The following MAPK10 variants were observed in gnomAD, a reference collection of about 807,000 sequenced individuals.
MAPK10 encodes the protein mitogen-activated protein kinase 10.
Under a neutral mutation model 59.3 loss-of-function variants are expected in MAPK10, and 25 were observed. The ratio of observed to expected loss-of-function variants is 0.42; its 90% CI spans 0.31 to 0.59. The LOEUF (loss-of-function observed/expected upper bound fraction) is 0.59. Ranked by LOEUF, MAPK10 falls within the 20% of genes least tolerant of loss-of-function variation. The probability of loss-of-function intolerance (pLI) is 0.15; values close to 1 mark genes in which losing one functional copy is unlikely to be tolerated. For synonymous variants in MAPK10, 190 were observed against 200.5 expected, an observed-to-expected ratio of 0.95 and a Z score of 0.44; for missense variants, 351 against 568.9, an observed-to-expected ratio of 0.62 and a Z score of 3.90.
intron 2 of MAPK10, among the ~76,000 whole-genome samples, chr4:86,207,867 A>G (rs1175155247): frequency 6.6e-6 from 1 of 151,338 alleles, no homozygotes; most frequent in African/African-American, 2.5e-5. Context: ...TTCGTGTATA[A>G]GAATGCTTGT....
At chr4:86,458,910 A>G (rs1291231012) in intron 1 of MAPK10, among the ~76,000 whole-genome samples, 1 of 152,236 alleles carries the variant, frequency 6.6e-6, no homozygotes, top group African/African-American at 2.4e-5. Context: ...ACAAAGATAA[A>G]TAGCTGGGAC....
chr4:86,071,801 A>C (rs1356281632), intron 9 of MAPK10, among the ~76,000 whole-genome samples: 1 of 150,002 alleles, frequency 6.7e-6, no homozygotes, highest in African/African-American at 2.5e-5. Context: ...GTAGCCTTGT[A>C]GTATAGTTTG....
chr4:86,022,187 A>G (rs535855380), intron 13 of MAPK10, among the ~76,000 whole-genome samples: 41 of 152,332 alleles, frequency 2.7e-4, no homozygotes, highest in African/African-American at 9.6e-4. Context: ...TGTTTTCTAA[A>G]GTGGGTGCAC....
At chr4:86,381,771 C>T (rs1265537032) in intron 1 of MAPK10, among the ~76,000 whole-genome samples, 4 of 152,128 alleles carry the variant, frequency 2.6e-5, no homozygotes, top group Non-Finnish European at 4.4e-5. Flanking sequence ...CATTTATTTA[C>T]ACAGGGACGG....
intron 2 of MAPK10, among the ~76,000 whole-genome samples, chr4:86,208,224 C>T (rs1179016454): frequency 6.6e-6 from 1 of 151,832 alleles, no homozygotes; most frequent in African/African-American, 2.4e-5. Context: ...AGGGAATCCT[C>T]CCTAACTCAT....
intron 1 of MAPK10, among the ~76,000 whole-genome samples, chr4:86,557,815 T>C (rs971773921): frequency 6.6e-6 from 1 of 152,102 alleles, no homozygotes; most frequent in Non-Finnish European, 1.5e-5. Flanking sequence ...GTCATATTTC[T>C]GAAAATGAAA....
chr4:86,103,072 A>ACT (rs1248152926), intron 6 of MAPK10, 114 bp downstream of exon 6: 2 of 322,684 alleles, frequency 6.2e-6, no homozygotes, highest in African/African-American at 5.0e-5. Flanking sequence ...AGGGATTTCA[A>ACT]CTCTGTGTGT....
intron 1 of MAPK10, among the ~76,000 whole-genome samples, chr4:86,474,943 C>T (rs1459476310): frequency 6.6e-6 from 1 of 152,180 alleles, no homozygotes; most frequent in East Asian, 1.9e-4. Context: ...CCGGTCCTTG[C>T]CTTAAATGAT....
intron 1 of MAPK10, among the ~76,000 whole-genome samples, chr4:86,416,763 A>C (rs747915529): frequency 2.0e-5 from 3 of 152,206 alleles, no homozygotes; most frequent in Admixed American, 6.5e-5. Context: ...GTTCCAAAAT[A>C]AATTCACCAC....
At chr4:86,439,498 G>A (rs1749165314) in intron 1 of MAPK10, among the ~76,000 whole-genome samples, 1 of 152,184 alleles carries the variant, frequency 6.6e-6, no homozygotes, top group South Asian at 2.1e-4. Flanking sequence ...TTCATCAGAT[G>A]AGAACATTTG....
At chr4:86,134,998 C>T (rs1019200242) in intron 4 of MAPK10, among the ~76,000 whole-genome samples, 1 of 152,190 alleles carries the variant, frequency 6.6e-6, no homozygotes, top group Middle Eastern at 3.2e-3. Flanking sequence ...AACGGCGCAC[C>T]ACGAGATTAT....
At chr4:86,577,596 T>C (rs2149110828) in intron 1 of MAPK10, among the ~76,000 whole-genome samples, 1 of 152,292 alleles carries the variant, frequency 6.6e-6, no homozygotes, top group East Asian at 1.9e-4. Flanking sequence ...TTTATGTTTC[T>C]GATAGTTTAG....
upstream of MAPK10, among the ~76,000 whole-genome samples, chr4:86,364,055 T>C (rs112455568): frequency 8.7e-4 from 133 of 152,270 alleles, no homozygotes; most frequent in African/African-American, 3.0e-3. Context: ...GTTCTGGGAT[T>C]ACAGACAGGT....
Position 86,013,393 on chromosome 4 carries a change from C to G in MAPK10, c.*3835G>C, listed in dbSNP as rs1560477884. 1.3e-5 allele frequency: 2 copies of G among 152,030 alleles called. No individual in the cohort carries two copies. Among genetic ancestry groups the G allele is most frequent in the Non-Finnish European group, 1.5e-5 (1 of 68,018 alleles). The allele number at this position is 152,030 out of a possible 1,614,324, so 9.4% of individuals were successfully genotyped here. A position where few individuals can be genotyped will look rare whatever the true frequency, so the allele number is the denominator to read the frequency against. ...TCTTTGGATGCAAAGTGGCTGAGAT[C>G]AAAAATTTCTAGAGCAATTTTACTC... is the stretch of plus-strand genomic sequence containing the variant. On this transcript the variant is annotated 3_prime_UTR_variant, in exon 14 of 14. Transcript: ENST00000641462.
rs576066386 is a variant in MAPK10, at chr4:86,371,566, C to T, written c.-121-16922G>A. Among the ~76,000 whole-genome samples, 197 of 152,258 alleles carry T rather than the reference C, an allele frequency of 1.3e-3. 1 individual carries two copies. The highest frequency in any genetic ancestry group is 1.7e-3 in the Admixed American group (26 of 15,290). On this transcript the variant is annotated intron_variant, in intron 1 of 13. Transcript: ENST00000361569. The stretch of plus-strand genomic sequence containing the variant: ...TTTCAGAGAGGTTAAGAAAAAAATG[C>T]GAGTGAACTCAATGATAAGGTGGCA...
At chr4:86,175,454 G>C (rs1168176095) in intron 3 of MAPK10, among the ~76,000 whole-genome samples, 2 of 152,044 alleles carry the variant, frequency 1.3e-5, no homozygotes, top group Non-Finnish European at 2.9e-5. Context: ...TTGGAGGTGG[G>C]GCCTGGTGGG....
intron 2 of MAPK10, among the ~76,000 whole-genome samples, chr4:86,318,352 T>C (rs1564325885): frequency 6.6e-6 from 1 of 152,036 alleles, no homozygotes; most frequent in African/African-American, 2.4e-5. Context: ...TAATTTGGGG[T>C]ATTTGGAGAA....
At chr4:86,516,624 G>GT (rs200814720) in intron 1 of MAPK10, among the ~76,000 whole-genome samples, 7,115 of 150,024 alleles carry the variant, frequency 0.047, 223 homozygotes, top group African/African-American at 0.059. Context: ...ATTCCTAAGG[G>GT]TTTTTTTGTT....
intron 1 of MAPK10, among the ~76,000 whole-genome samples, chr4:86,416,625 G>A (rs1020875179): frequency 6.6e-6 from 1 of 152,166 alleles, no homozygotes; most frequent in African/African-American, 2.4e-5. Flanking sequence ...CATATTTTAA[G>A]AGGAGCAAGA....
Sources: gnomAD v4.1 joint callset for allele counts (sites outside exome capture counted in the v4.1 genomes callset) on GRCh38, gnomAD v4.1.1 for gene constraint, MANE v1.5 for transcripts, NCBI Gene and HGNC (gene_info 2026-07-23, HGNC 2026-07-21) for gene names.